Variants in SLC28A1 observed in about 807,000 individuals in gnomAD.
SLC28A1 encodes sodium/nucleoside cotransporter 1.
In SLC28A1, 64 loss-of-function variants were observed where a neutral mutation model predicts 74.8. That is an observed-to-expected ratio of 0.86 (90% CI 0.70 to 1.05). SLC28A1 has a LOEUF of 1.05. Ranked by LOEUF, SLC28A1 falls within the 50% of genes least tolerant of loss-of-function variation. SLC28A1 has a pLI of 0.00. For synonymous variants in SLC28A1, 359 were observed against 335.0 expected (o/e 1.07, Z -0.78); for missense variants, 828 against 822.8 (o/e 1.01, Z -0.08).
At chr15:84,943,562 A>T in intron 16 of SLC28A1, 36 bp downstream of exon 16, 1 of 1,516,842 alleles carries the variant, frequency 6.6e-7, no homozygotes, top group Non-Finnish European at 9.2e-7. Flanking sequence ...TGTCTAGGAG[A>T]GTCTGGGACT....
downstream of SLC28A1, among the ~76,000 whole-genome samples, chr15:84,947,053 G>A (rs940779619): frequency 5.3e-5 from 8 of 152,228 alleles, no homozygotes; most frequent in African/African-American, 1.9e-4. Context: ...CAGTGAGCCA[G>A]GTCCTGTTTC....
chr15:84,910,339 A>G lies in SLC28A1; in HGVS notation c.795+1544A>G, dbSNP rs150109467. Among the ~76,000 whole-genome samples, 506 of 152,320 alleles carry G rather than the reference A, an allele frequency of 3.3e-3. 1 individual carries two copies. Among genetic ancestry groups the G allele is most frequent in the Admixed American group, 8.6e-3 (132 of 15,296 alleles). ...ACCTTTGCATAACCAATGCGGGGGT[A>G]CCCGAAGTTTCAGAAAAGACAAGTA... On this transcript the variant is annotated intron_variant, in intron 9 of 18. Coordinates refer to ENST00000394573, the MANE Select transcript of SLC28A1 (RefSeq NM_004213.5).
chr15:84,893,404 C>T (rs772846185), intron 5 of SLC28A1, among the ~76,000 whole-genome samples: 3 of 152,186 alleles, frequency 2.0e-5, no homozygotes, highest in Non-Finnish European at 2.9e-5. Flanking sequence ...CAATGACACC[C>T]GTTCAGGTAG....
chr15:84,933,321 G>A (rs80124540), intron 13 of SLC28A1, 46 bp downstream of exon 13: 17 of 1,599,504 alleles, frequency 1.1e-5, no homozygotes, highest in African/African-American at 5.4e-5. Flanking sequence ...GGTACAAGGT[G>A]GGGGGAGCAA....
chr15:84,918,461 C>A (rs1033366377), intron 9 of SLC28A1, 63 bp from the exon 10 acceptor site: 2 of 1,345,800 alleles, frequency 1.5e-6, no homozygotes, highest in Non-Finnish European at 1.1e-6. Flanking sequence ...CTCCTGGGCC[C>A]CGCCTGGCAC....
chr15:84,918,684 TC>T, intron 10 of SLC28A1, 80 bp downstream of exon 10: 1 of 1,116,506 alleles, frequency 9.0e-7, no homozygotes. Flanking sequence ...AATGCCTTGC[TC>T]CCAGAGCCCA....
At chr15:84,930,992 C>G (rs951307597) in intron 12 of SLC28A1, among the ~76,000 whole-genome samples, 1 of 152,014 alleles carries the variant, frequency 6.6e-6, no homozygotes, top group Non-Finnish European at 1.5e-5. Context: ...AGACTGGTCT[C>G]GAACTCCTGA....
chr15:84,968,581 C>A, the SLC28A1 span, among the ~76,000 whole-genome samples: 18 of 152,070 alleles, frequency 1.2e-4, no homozygotes, highest in Non-Finnish European at 2.9e-5. Context: ...CACATGCTGT[C>A]ACTTCTGCAG....
intron 11 of SLC28A1, 122 bp from the exon 12 acceptor site, chr15:84,923,863 G>A: frequency 1.5e-6 from 2 of 1,310,804 alleles, no homozygotes; most frequent in Non-Finnish European, 2.2e-6. Flanking sequence ...ACAGACCCTG[G>A]TCCTTACCCC....
At chr15:84,893,530 C>T (rs142684014) in intron 5 of SLC28A1, among the ~76,000 whole-genome samples, 1 of 151,452 alleles carries the variant, frequency 6.6e-6, no homozygotes, top group African/African-American at 2.4e-5. Flanking sequence ...CAATTTCTGT[C>T]CATTTGGAAC....
intron 12 of SLC28A1, chr15:84,926,695 G>A (rs1052722338): frequency 8.8e-6 from 3 of 342,420 alleles, no homozygotes; most frequent in Non-Finnish European, 1.7e-5. Flanking sequence ...CATTCAGCAT[G>A]AGAGTGAGGT....
intron 7 of SLC28A1, among the ~76,000 whole-genome samples, chr15:84,904,460 A>G (rs1256003246): frequency 6.6e-6 from 1 of 152,148 alleles, no homozygotes; most frequent in African/African-American, 2.4e-5. Flanking sequence ...GGCCACCAGG[A>G]CATTTGTTTC....
At chr15:84,939,166 A>T (rs1461327129) in intron 15 of SLC28A1, among the ~76,000 whole-genome samples, 1 of 152,156 alleles carries the variant, frequency 6.6e-6, no homozygotes, top group Non-Finnish European at 1.5e-5. Context: ...CAAAAAATTT[A>T]AAAATTAGCC....
At chr15:84,913,566 T>G (rs888533322) in intron 9 of SLC28A1, among the ~76,000 whole-genome samples, 1 of 152,188 alleles carries the variant, frequency 6.6e-6, no homozygotes, top group Non-Finnish European at 1.5e-5. Flanking sequence ...ACCTATTAAA[T>G]CCAAAATATT....
intron 11 of SLC28A1, 97 bp from the exon 12 acceptor site, chr15:84,923,886 CTT>C: frequency 6.5e-7 from 1 of 1,537,088 alleles, no homozygotes; most frequent in Non-Finnish European, 9.0e-7. Flanking sequence ...CCTGCTGCCT[CTT>C]ACCGTGGGAC....
chr15:84,917,547 T>C (rs1045970288), intron 9 of SLC28A1, among the ~76,000 whole-genome samples: 3 of 152,198 alleles, frequency 2.0e-5, no homozygotes, highest in African/African-American at 7.2e-5. Context: ...TAGCTGGGAC[T>C]ATAGACATGT....
Position 84,945,536 on chromosome 15 carries a change from A to C in SLC28A1, c.*336A>C. On this transcript the variant is annotated 3_prime_UTR_variant, in exon 19 of 19. Transcript: ENST00000394573. The stretch of plus-strand genomic sequence containing the variant: ...TCCCCCCTCTCCTGGGGTCCCTCAC[A>C]TGCCCCTTCCCTTCTGTTGTGGGCT... The C allele has an allele frequency of 2.7e-6, 1 of 372,574 alleles. No individual in the cohort carries two copies. The allele number at this position is 372,574 out of a possible 1,614,324, so 23.1% of individuals were successfully genotyped here.
At chr15:84,944,001 C>T (rs1165327863) in intron 16 of SLC28A1, among the ~76,000 whole-genome samples, 1 of 152,156 alleles carries the variant, frequency 6.6e-6, no homozygotes, top group Non-Finnish European at 1.5e-5. Context: ...AGGAAGTTAG[C>T]ACCTGGGCCT....
At chr15:84,906,546 TTCTTTCTTTCTTTCTTTC>T (rs1347545227) in intron 8 of SLC28A1, among the ~76,000 whole-genome samples, 3 of 82,302 alleles carry the variant, frequency 3.6e-5, no homozygotes, top group East Asian at 6.6e-4. Flanking sequence ...CTTTCTTTCT[TTCTTTCTTTCTTTCTTTC>T]TCTTTCTTTC....
Sources: allele counts gnomAD v4.1 joint callset (sites outside exome capture counted in the v4.1 genomes callset), GRCh38; gene constraint gnomAD v4.1.1; transcripts MANE v1.5; gene names NCBI Gene and HGNC (gene_info 2026-07-23, HGNC 2026-07-21).